ZYX: variants seen among roughly 807,000 people sequenced by gnomAD.
ZYX encodes the protein zyxin-2.
ZYX carries 37 observed loss-of-function variants against 58.1 expected under a neutral mutation model. The observed-to-expected ratio is 0.64, with a 90% CI of 0.49 to 0.84. ZYX has a LOEUF of 0.84. Among genes scored for constraint, ZYX ranks in the 40% least tolerant of loss-of-function variants. The pLI, the probability that ZYX is intolerant of heterozygous loss-of-function variation, is 0.00. For missense variants in ZYX, 762 were observed against 761.6 expected (o/e 1.00, Z -0.01); for synonymous variants, 324 against 321.1 (o/e 1.01, Z -0.10).
In ZYX at chr7:143,382,292, G is replaced by A. The variant is rs1804644231; in HGVS notation, c.253G>A (p.Ala85Thr). 6.2e-7 allele frequency: 1 copy of A among 1,612,746 alleles called. No homozygotes were observed. The highest frequency in any genetic ancestry group is 8.5e-7 in the Non-Finnish European group (1 of 1,179,508). Residue 85 changes from alanine (A) to threonine (T), a missense_variant, in exon 3 of 10, where the codon GCA becomes ACA. Physicochemically the swap from Ala to Thr is moderately conservative, Grantham distance 58. Coordinates refer to ENST00000322764, the MANE Select transcript of ZYX (RefSeq NM_003461.5). ...TCCCCTTGCTGGGGATGGCGACGAT[G>A]CAGAGGGTGCTCTGGGAGGTGCCTT... Reference protein sequence around the residue: ...PPPLAGDGDDAEGALGGAFPP... With the variant: ...PPPLAGDGDDTEGALGGAFPP...
Position 143,388,922 on chromosome 7 carries a change from C to T in ZYX, c.1470C>T (p.Pro490=), listed in dbSNP as rs1195666491. 1 of 1,611,648 alleles carries T rather than the reference C, an allele frequency of 6.2e-7. No individual in the cohort carries two copies. Among genetic ancestry groups the T allele is most frequent in the Non-Finnish European group, 8.5e-7 (1 of 1,179,452 alleles). The change falls in exon 8 of 10, where the codon CCC becomes CCT. Residue 490 remains proline, a synonymous_variant. Coordinates refer to ENST00000322764, the MANE Select transcript of ZYX (RefSeq NM_003461.5). The surrounding 1 kb of genome is among the most constrained non-coding windows in gnomAD (Gnocchi z 7.5). ...TCATCGTGGACCAGGCCAACCGGCC[C>T]CACTGTGTCCCCGACTACCACAAGT... is the stretch of plus-strand genomic sequence containing the variant. The part of the protein sequence containing the change: ...TSFIVDQANR[P]HCVPDYHKQY...
rs59995035 is a variant in ZYX, at chr7:143,385,660, CTTTTTTTTTT to C, written c.1023+2355_1023+2364del. 8.6e-3 allele frequency among the ~76,000 whole-genome samples: 591 copies of C among 68,974 alleles called. 12 individuals carry two copies. Among genetic ancestry groups the C allele is most frequent in the African/African-American group, 0.032 (552 of 17,402 alleles). 45.2% of individuals were successfully genotyped at this position (68,974 alleles called of 152,430 possible). A position where few individuals can be genotyped will look rare whatever the true frequency, so the allele number is the denominator to read the frequency against. The stretch of plus-strand genomic sequence containing the variant: ...TGTGTGAGCGTGTGGTGTGGTATAT[CTTTTTTTTTT>C]TTTTTTTTTTTTTTTTGGAGACGGA... On this transcript the variant is annotated intron_variant, in intron 5 of 9. Coordinates refer to ENST00000322764, the MANE Select transcript of ZYX (RefSeq NM_003461.5).
Position 143,390,782 on chromosome 7 carries a change from C to A in ZYX, c.*100C>A. 2.2e-6 allele frequency: 2 copies of A among 929,360 alleles called. No homozygotes were observed. Among genetic ancestry groups the A allele is most frequent in the South Asian group, 1.5e-5 (1 of 68,018 alleles). The allele number at this position is 929,360 out of a possible 1,614,324, so 57.6% of individuals were successfully genotyped here. On this transcript the variant is annotated 3_prime_UTR_variant, in exon 10 of 10. Transcript: ENST00000322764. The surrounding 1 kb of genome is among the most constrained non-coding windows in gnomAD (Gnocchi z 4.3). ...CCTCAGTTATTGTTTTGATGTCTAG[C>A]CCCTCCCATTTCCAACCCCTCCCTA...
In ZYX at chr7:143,387,242, G is replaced by T. The variant is rs1804895016; in HGVS notation, c.1024-977G>T. ...GGACGCAACTCTGGGTACAGATGGG[G>T]GTCGGGGTGAGGGGCAGTGAAGCCA... On this transcript the variant is annotated intron_variant, in intron 5 of 9. Transcript: ENST00000322764. This position sits in a 1 kb window ranked among gnomAD's most constrained non-coding sequence, Gnocchi z 5.8. 6.6e-6 allele frequency among the ~76,000 whole-genome samples: 1 copy of T among 152,148 alleles called. No homozygotes were observed. Among genetic ancestry groups the T allele is most frequent in the Non-Finnish European group, 1.5e-5 (1 of 68,018 alleles).
Position 143,383,443 on chromosome 7 carries a change from G to A in ZYX, c.1023+121G>A, listed in dbSNP as rs886774654. 62 of 1,277,584 alleles carry A rather than the reference G, an allele frequency of 4.9e-5. No individual in the cohort carries two copies. The East Asian group carries it at 1.0e-3, about 22-fold the overall frequency. The allele number at this position is 1,277,584 out of a possible 1,614,324, so 79.1% of individuals were successfully genotyped here. A position where few individuals can be genotyped will look rare whatever the true frequency, so the allele number is the denominator to read the frequency against. ...GGGTGGACACGGGGGTTGCGGGGTG[G>A]CGGGATAGGAATTTTCATCCTCTGG... On this transcript the variant is annotated intron_variant, in intron 5 of 9. Coordinates refer to ENST00000322764, the MANE Select transcript of ZYX (RefSeq NM_003461.5).
At position 143,382,926 on chromosome 7, in the gene ZYX, G is replaced by T. The variant is rs1804692626; in HGVS notation, c.627G>T (p.Leu209=). ...AGTCCCCTTCCAGCTCCCAGCCTCTGCCCCAGGTTCCGGCTCCGGCTCAGA... is the reference window on the plus strand; with the variant it reads ...AGTCCCCTTCCAGCTCCCAGCCTCTTCCCCAGGTTCCGGCTCCGGCTCAGA... ...PWKSPSSSQP[L]PQVPAPAQSQ... Residue 209 remains leucine (L), a synonymous_variant, in exon 5 of 10, where the codon CTG becomes CTT. Coordinates refer to ENST00000322764, the MANE Select transcript of ZYX (RefSeq NM_003461.5). 2 of 1,614,048 alleles carry T rather than the reference G, an allele frequency of 1.2e-6. No homozygotes were observed. Among genetic ancestry groups the T allele is most frequent in the African/African-American group, 1.3e-5 (1 of 75,020 alleles).
At chr7:143,383,379 C>T in intron 5 of ZYX, 57 bp downstream of exon 5, 1 of 1,527,002 alleles carries the variant, frequency 6.5e-7, no homozygotes, top group Non-Finnish European at 8.7e-7. Context: ...GGGGCTGGGT[C>T]AGGAGCCAGA....
chr7:143,382,417 G>T lies in ZYX; in HGVS notation c.378G>T (p.Gly126=). The part of the protein sequence containing the change: ...SPPPPPEEEG[G]PEAPIPPPPQ... ...CGCCTCCTCCGGAGGAGGAGGGAGGGCCTGAGGCCCCCATACCGCCCCCAC... is the reference window on the plus strand; with the variant it reads ...CGCCTCCTCCGGAGGAGGAGGGAGGTCCTGAGGCCCCCATACCGCCCCCAC... Residue 126 remains glycine, a synonymous_variant, in exon 3 of 10, where the codon GGG becomes GGT. Transcript: ENST00000322764. 6.3e-7 allele frequency: 1 copy of T among 1,584,718 alleles called. No individual in the cohort carries two copies. The highest frequency in any genetic ancestry group is 8.6e-7 in the Non-Finnish European group (1 of 1,166,946).
intron 5 of ZYX, among the ~76,000 whole-genome samples, chr7:143,385,658 A>T (rs1486849815): frequency 4.8e-4 from 39 of 80,578 alleles, no homozygotes; most frequent in Non-Finnish European, 7.9e-4. Context: ...GGTGTGGTAT[A>T]TCTTTTTTTT....
At position 143,387,038 on chromosome 7, in the gene ZYX, G is replaced by T. The variant is rs1307589258; in HGVS notation, c.1024-1181G>T. ...CAAGGACTGACTGAGCCCCTTCACT[G>T]TGTCCCCAAGAGGCCAGGAAGGGAA... On this transcript the variant is annotated intron_variant, in intron 5 of 9. Coordinates refer to ENST00000322764, the MANE Select transcript of ZYX (RefSeq NM_003461.5). The surrounding 1 kb of genome is among the most constrained non-coding windows in gnomAD (Gnocchi z 5.8). Among the ~76,000 whole-genome samples the T allele has an allele frequency of 6.6e-6, 1 of 152,126 alleles. No individual in the cohort carries two copies. The highest frequency in any genetic ancestry group is 1.5e-5 in the Non-Finnish European group (1 of 68,036).
At position 143,382,872 on chromosome 7, in the gene ZYX, CG is replaced by C; in HGVS notation, c.578del (p.Gly193AlafsTer77). 6.2e-7 allele frequency: 1 copy of C among 1,612,996 alleles called. No homozygotes were observed. Among genetic ancestry groups the C allele is most frequent in the African/African-American group, 1.3e-5 (1 of 74,998 alleles). On this transcript the variant is annotated frameshift_variant, in exon 5 of 10. Transcript: ENST00000322764. LOFTEE classifies it high-confidence loss of function. The stretch of plus-strand genomic sequence containing the variant: ...CCAAGTCCAGTACCAAGCCTGCAGC[CG>C]GGGGCACAGCACCCCTGCCTCCTTG... ...SSKSSTKPAAGGTAPLPPWKS... is the reference protein window; with the variant it reads ...SSKSSTKPAAXGTAPLPPWKS...
chr7:143,387,942 A>C lies in ZYX; in HGVS notation c.1024-277A>C. 1.8e-6 allele frequency: 1 copy of C among 552,368 alleles called. No individual in the cohort carries two copies. Among genetic ancestry groups the C allele is most frequent in the African/African-American group, 1.9e-5 (1 of 53,746 alleles). The allele number at this position is 552,368 out of a possible 1,614,324, so 34.2% of individuals were successfully genotyped here. On this transcript the variant is annotated intron_variant, in intron 5 of 9. Transcript: ENST00000322764. The surrounding 1 kb of genome is among the most constrained non-coding windows in gnomAD (Gnocchi z 5.8). Reference sequence around the variant, plus strand: ...GTGCGTGGCCTCCGTCCGCCCAGTCATTCTGGCCTGTCTGTGACTGCTCAG... The same window carrying C: ...GTGCGTGGCCTCCGTCCGCCCAGTCCTTCTGGCCTGTCTGTGACTGCTCAG...
chr7:143,385,660 CT>C (rs59995035), intron 5 of ZYX, among the ~76,000 whole-genome samples: 304 of 68,952 alleles, frequency 4.4e-3, no homozygotes, highest in Middle Eastern at 0.016. Context: ...TGTGGTATAT[CT>C]TTTTTTTTTT....
chr7:143,388,386 G>A lies in ZYX; in HGVS notation c.1144+47G>A, dbSNP rs1356071458. The A allele has an allele frequency of 6.2e-7, 1 of 1,611,694 alleles. No individual in the cohort carries two copies. Among genetic ancestry groups the A allele is most frequent in the East Asian group, 2.2e-5 (1 of 44,824 alleles). On this transcript the variant is annotated intron_variant, in intron 6 of 9. Transcript: ENST00000322764. The surrounding 1 kb of genome is among the most constrained non-coding windows in gnomAD (Gnocchi z 7.5). The stretch of plus-strand genomic sequence containing the variant: ...ACCCCCACCCTGCCCCCACATCACG[G>A]TGGGGGCCAGGGCTGTGGCTCCACT...
At chr7:143,383,509 G>C (rs914015178) in intron 5 of ZYX, among the ~76,000 whole-genome samples, 187 bp downstream of exon 5, 3 of 152,164 alleles carry the variant, frequency 2.0e-5, no homozygotes, top group African/African-American at 7.2e-5. Context: ...TGCTCCTCTG[G>C]AGGAGAGGCC....
rs1018507926 is a variant in ZYX at position 143,388,422 on chromosome 7, G to A, written c.1145-67G>A. ...GGCTGTGGCTCCACTCCCTATCTGA[G>A]CTGGCTGATCCCTCGCAGCTCTACA... On this transcript the variant is annotated intron_variant, in intron 6 of 9. Coordinates refer to ENST00000322764, the MANE Select transcript of ZYX (RefSeq NM_003461.5). The surrounding 1 kb of genome is among the most constrained non-coding windows in gnomAD (Gnocchi z 7.5). The A allele has an allele frequency of 7.5e-6, 12 of 1,605,904 alleles. No homozygotes were observed. The African/African-American group carries it at 1.5e-4, about 20-fold the overall frequency.
chr7:143,390,852 G>T lies in ZYX; in HGVS notation c.*170G>T. 1.7e-6 allele frequency: 1 copy of T among 602,350 alleles called. No homozygotes were observed. Among genetic ancestry groups the T allele is most frequent in the Admixed American group, 2.7e-5 (1 of 36,796 alleles). The allele number at this position is 602,350 out of a possible 1,614,324, so 37.3% of individuals were successfully genotyped here. ...CCAGGACCCAACATGGTCTAGGGAT[G>T]CAGGATCCCCGCCCTGGGGTCTGGT... On this transcript the variant is annotated 3_prime_UTR_variant, in exon 10 of 10. Transcript: ENST00000322764. The surrounding 1 kb of genome is among the most constrained non-coding windows in gnomAD (Gnocchi z 4.3).
At position 143,390,417 on chromosome 7, in the gene ZYX, G is replaced by T; in HGVS notation, c.1615-161G>T. 1.6e-6 allele frequency: 1 copy of T among 629,556 alleles called. No homozygotes were observed. Among genetic ancestry groups the T allele is most frequent in the Non-Finnish European group, 2.8e-6 (1 of 354,564 alleles). The allele number at this position is 629,556 out of a possible 1,614,324, so 39.0% of individuals were successfully genotyped here. On this transcript the variant is annotated intron_variant, in intron 9 of 9. Coordinates refer to ENST00000322764, the MANE Select transcript of ZYX (RefSeq NM_003461.5). This position sits in a 1 kb window ranked among gnomAD's most constrained non-coding sequence, Gnocchi z 4.3. Reference sequence around the variant, plus strand: ...GGTCCTAGTGGGTGACTGGAAGTAGGATAGGGATGGGGAGTTGGGTGTGGC... The same window carrying T: ...GGTCCTAGTGGGTGACTGGAAGTAGTATAGGGATGGGGAGTTGGGTGTGGC...
chr7:143,390,880 T>C lies in ZYX; in HGVS notation c.*198T>C, dbSNP rs1489643201. On this transcript the variant is annotated 3_prime_UTR_variant, in exon 10 of 10. Coordinates refer to ENST00000322764, the MANE Select transcript of ZYX (RefSeq NM_003461.5). The surrounding 1 kb of genome is among the most constrained non-coding windows in gnomAD (Gnocchi z 4.3). ...GGATCCCCGCCCTGGGGTCTGGTCC[T>C]CGCCCATCCTGCAGGGATTGCCCAC... The C allele has an allele frequency of 7.0e-6, 4 of 571,832 alleles. No homozygotes were observed. The highest frequency in any genetic ancestry group is 9.5e-6 in the Non-Finnish European group (3 of 316,610). 35.4% of individuals were successfully genotyped at this position (571,832 alleles called of 1,614,324 possible). A position where few individuals can be genotyped will look rare whatever the true frequency, so the allele number is the denominator to read the frequency against.
Sources: allele counts gnomAD v4.1 joint callset (sites outside exome capture counted in the v4.1 genomes callset), GRCh38; gene constraint gnomAD v4.1.1; non-coding constraint Gnocchi (gnomAD v3.1); transcripts MANE v1.5; gene names NCBI Gene and HGNC (gene_info 2026-07-23, HGNC 2026-07-21).